OR2L13: variants seen among roughly 807,000 people sequenced by gnomAD.
OR2L13 encodes olfactory receptor family 2 subfamily L member 13.
A neutral mutation model predicts 15.3 loss-of-function variants in OR2L13; 14 were observed. The ratio of observed to expected loss-of-function variants is 0.91; its 90% CI spans 0.60 to 1.43. The LOEUF (loss-of-function observed/expected upper bound fraction) is 1.43, where lower values mean the gene tolerates loss of function less well. Ranked by LOEUF, OR2L13 falls within the 40% of genes most tolerant of loss-of-function variation. The pLI, the probability that OR2L13 is intolerant of heterozygous loss-of-function variation, is 0.00. For missense variants in OR2L13, 367 were observed against 387.9 expected, an observed-to-expected ratio of 0.95 and a Z score of 0.45; for synonymous variants, 152 against 142.9, an observed-to-expected ratio of 1.06 and a Z score of -0.45.
the OR2L13 span, among the ~76,000 whole-genome samples, chr1:248,034,487 A>G: frequency 5.3e-5 from 8 of 152,304 alleles, no homozygotes; most frequent in East Asian, 1.9e-4. Context: ...AAATTTTAGC[A>G]TGGTTTTTCT....
the OR2L13 span, among the ~76,000 whole-genome samples, chr1:248,009,582 T>A: frequency 6.6e-6 from 1 of 152,178 alleles, no homozygotes; most frequent in African/African-American, 2.4e-5. Context: ...ACAGCCGAAT[T>A]CTACCAAAGG....
the OR2L13 span, among the ~76,000 whole-genome samples, chr1:248,053,279 T>C: frequency 6.6e-6 from 1 of 152,230 alleles, no homozygotes; most frequent in Non-Finnish European, 1.5e-5. Context: ...GCAAAGGACA[T>C]GATCTTATTA....
At chr1:247,954,517 C>T in the OR2L13 span, among the ~76,000 whole-genome samples, 1 of 151,978 alleles carries the variant, frequency 6.6e-6, no homozygotes. Context: ...GGATCACTGC[C>T]CTTACTTTTC....
the OR2L13 span, among the ~76,000 whole-genome samples, chr1:248,073,740 G>T: frequency 3.1e-4 from 47 of 151,898 alleles, no homozygotes; most frequent in African/African-American, 1.1e-3. Flanking sequence ...ATTAATGAAA[G>T]AGTGCATGGT....
upstream of OR2L13, among the ~76,000 whole-genome samples, chr1:248,094,041 T>C (rs1042824708): frequency 2.0e-5 from 3 of 152,088 alleles, no homozygotes; most frequent in Non-Finnish European, 4.4e-5. Context: ...ATTTATTGTA[T>C]ATTTCAAAAT....
chr1:247,997,719 A>T, the OR2L13 span, among the ~76,000 whole-genome samples: 1 of 152,188 alleles, frequency 6.6e-6, no homozygotes, highest in Non-Finnish European at 1.5e-5. Flanking sequence ...TTTACCCTTG[A>T]CATGCCTTGA....
the OR2L13 span, among the ~76,000 whole-genome samples, chr1:248,015,130 C>T: frequency 6.6e-6 from 1 of 152,196 alleles, no homozygotes; most frequent in Non-Finnish European, 1.5e-5. Context: ...TTATATTCTT[C>T]ACTCCTTTAC....
the OR2L13 span, among the ~76,000 whole-genome samples, chr1:248,067,452 G>T: frequency 1.3e-5 from 2 of 152,272 alleles, no homozygotes; most frequent in Non-Finnish European, 2.9e-5. Context: ...GTAATTATTT[G>T]CTCATATTAT....
chr1:248,063,608 T>C, the OR2L13 span, among the ~76,000 whole-genome samples: 24 of 152,158 alleles, frequency 1.6e-4, no homozygotes, highest in Non-Finnish European at 2.8e-4. Context: ...AGAGAGAAAA[T>C]AGGCCTTCCA....
chr1:248,072,264 T>A, the OR2L13 span, among the ~76,000 whole-genome samples: 1 of 152,194 alleles, frequency 6.6e-6, no homozygotes, highest in Non-Finnish European at 1.5e-5. Context: ...AGCATGGTAC[T>A]GGTACCAAAA....
chr1:247,991,004 T>G, the OR2L13 span: 1 of 1,516,884 alleles, frequency 6.6e-7, no homozygotes, highest in Non-Finnish European at 9.2e-7. Context: ...CACCTCACTG[T>G]AGTGACTTTC....
the OR2L13 span, among the ~76,000 whole-genome samples, chr1:248,028,697 G>T: frequency 6.6e-6 from 1 of 152,182 alleles, no homozygotes; most frequent in Non-Finnish European, 1.5e-5. Context: ...AAACTCTCAG[G>T]AGATCTGGGA....
chr1:248,090,579 G>A, upstream of OR2L13, among the ~76,000 whole-genome samples: 1 of 152,082 alleles, frequency 6.6e-6, no homozygotes, highest in Non-Finnish European at 1.5e-5. Flanking sequence ...TAGGCTAATG[G>A]CCTCCACTTC....
At chr1:248,061,855 A>C in the OR2L13 span, 2 of 366,226 alleles carry the variant, frequency 5.5e-6, no homozygotes, top group Non-Finnish European at 9.7e-6. Context: ...TACTTTTACT[A>C]ATATGTTGTC....
At chr1:248,083,847 T>A in the OR2L13 span, 2 of 1,612,758 alleles carry the variant, frequency 1.2e-6, no homozygotes, top group Admixed American at 3.3e-5. Context: ...GGCAGCTCCA[T>A]AAAAGAGTCC....
chr1:248,093,745 T>A (rs1368064688), upstream of OR2L13, among the ~76,000 whole-genome samples: 1 of 152,212 alleles, frequency 6.6e-6, no homozygotes, highest in Non-Finnish European at 1.5e-5. Context: ...CACTCTTATT[T>A]TTTTTTATGG....
At chr1:247,988,066 A>G in the OR2L13 span, among the ~76,000 whole-genome samples, 1 of 152,120 alleles carries the variant, frequency 6.6e-6, no homozygotes, top group African/African-American at 2.4e-5. Flanking sequence ...AATTTTTTCT[A>G]GGAAAATATT....
At chr1:247,975,374 G>A in the OR2L13 span, 23 of 614,320 alleles carry the variant, frequency 3.7e-5, no homozygotes, top group African/African-American at 4.0e-4. Flanking sequence ...TGTTCCTATG[G>A]TGAGGTTCTC....
the OR2L13 span, among the ~76,000 whole-genome samples, chr1:247,983,413 A>T: frequency 8.0e-5 from 12 of 150,088 alleles, no homozygotes; most frequent in African/African-American, 2.5e-4. Context: ...CCAGTGTACA[A>T]CATCATTAAT....
Sources: allele counts gnomAD v4.1 joint callset (sites outside exome capture counted in the v4.1 genomes callset), GRCh38; gene constraint gnomAD v4.1.1; transcripts MANE v1.5; gene names NCBI Gene and HGNC (gene_info 2026-07-23, HGNC 2026-07-21).